KAZN: variants seen among roughly 807,000 people sequenced by gnomAD.
KAZN encodes the protein kazrin.
KAZN carries 40 observed loss-of-function variants against 87.4 expected under a neutral mutation model. The observed-to-expected ratio is 0.46, with a 90% CI of 0.36 to 0.60. The LOEUF (loss-of-function observed/expected upper bound fraction) is 0.60. Ranked by LOEUF, KAZN falls within the 20% of genes least tolerant of loss-of-function variation. The pLI is 0.00. For synonymous variants in KAZN, 466 were observed against 458.3 expected (o/e 1.02, Z -0.22); for missense variants, 898 against 1,073.9 (o/e 0.84, Z 2.29).
At chr1:13,985,142 A>G (rs1414114070) in intron 1 of KAZN, among the ~76,000 whole-genome samples, 1 of 152,052 alleles carries the variant, frequency 6.6e-6, no homozygotes, top group Non-Finnish European at 1.5e-5. Context: ...ATCAATTTAT[A>G]TATCTATCTA....
At chr1:14,023,996 A>C (rs1640961689) in intron 1 of KAZN, among the ~76,000 whole-genome samples, 1 of 152,178 alleles carries the variant, frequency 6.6e-6, no homozygotes, top group Non-Finnish European at 1.5e-5. Flanking sequence ...AACTTCTTAC[A>C]CAGTAAAACC....
intron 1 of KAZN, among the ~76,000 whole-genome samples, chr1:14,700,239 G>T (rs1013821005): frequency 6.6e-6 from 1 of 152,164 alleles, no homozygotes; most frequent in African/African-American, 2.4e-5. Flanking sequence ...TCTTGAAAAT[G>T]TGCTGTAACT....
intron 10 of KAZN, among the ~76,000 whole-genome samples, chr1:15,097,125 G>A (rs999598323): frequency 1.3e-5 from 2 of 152,084 alleles, no homozygotes; most frequent in African/African-American, 2.4e-5. Context: ...AGAAGTGAAG[G>A]GAGTTAAATT....
chr1:14,850,221 A>T (rs1354291521), intron 1 of KAZN, among the ~76,000 whole-genome samples: 1 of 152,218 alleles, frequency 6.6e-6, no homozygotes, highest in Non-Finnish European at 1.5e-5. Context: ...GGCATGAGCC[A>T]CTGCGTCCAG....
At chr1:14,323,488 G>A (rs1481774476) in intron 2 of KAZN, among the ~76,000 whole-genome samples, 1 of 152,016 alleles carries the variant, frequency 6.6e-6, no homozygotes, top group African/African-American at 2.4e-5. Flanking sequence ...AGATCTCTGG[G>A]TGATGTGGGA....
chr1:14,076,191 G>A (rs1337951335), intron 1 of KAZN, among the ~76,000 whole-genome samples: 1 of 152,108 alleles, frequency 6.6e-6, no homozygotes, highest in Non-Finnish European at 1.5e-5. Context: ...TGAGGCAGGA[G>A]AATGGCGTGA....
At chr1:14,543,832 C>A (rs1319769259) in intron 2 of KAZN, among the ~76,000 whole-genome samples, 2 of 152,120 alleles carry the variant, frequency 1.3e-5, no homozygotes, top group African/African-American at 4.8e-5. Context: ...GCAAATAAAT[C>A]AAATAAGGAA....
chr1:14,138,750 G>C lies in KAZN; in HGVS notation c.92-41685G>C, dbSNP rs78093029. Among the ~76,000 whole-genome samples, 225 of 152,292 alleles carry C rather than the reference G, an allele frequency of 1.5e-3. 1 individual carries two copies. The highest frequency in any genetic ancestry group is 5.3e-3 in the African/African-American group (219 of 41,564). ...GCCTCCCCTTTCCAATTTTGGAAGC[G>C]TGTGTTCATGCTTTCTTTTCCAGGC... is the stretch of plus-strand genomic sequence containing the variant. On this transcript the variant is annotated intron_variant, in intron 1 of 16. Transcript: ENST00000636203.
chr1:15,069,581 C>T (rs968817618), intron 8 of KAZN, among the ~76,000 whole-genome samples: 10 of 152,204 alleles, frequency 6.6e-5, no homozygotes, highest in Non-Finnish European at 1.3e-4. Flanking sequence ...GAGCCGAGAT[C>T]GCGCCACTGC....
At chr1:14,358,377 C>T (rs373905458) in intron 2 of KAZN, among the ~76,000 whole-genome samples, 4 of 149,694 alleles carry the variant, frequency 2.7e-5, no homozygotes, top group Admixed American at 2.0e-4. Context: ...AAAACCAGCT[C>T]AGGGATTCAT....
At chr1:15,043,478 A>G (rs2100333067) in intron 3 of KAZN, among the ~76,000 whole-genome samples, 1 of 152,124 alleles carries the variant, frequency 6.6e-6, no homozygotes, top group East Asian at 1.9e-4. Flanking sequence ...CAACTTACTC[A>G]TTCATGCAGC....
In KAZN at chr1:14,499,438, T is replaced by C. The variant is rs867564676; in HGVS notation, c.250-99545T>C. Among the ~76,000 whole-genome samples, 10 of 152,302 alleles carry C rather than the reference T, an allele frequency of 6.6e-5. 1 individual carries two copies. The Middle Eastern group carries it at 0.01, about 155-fold the overall frequency. On this transcript the variant is annotated intron_variant, in intron 2 of 16. Coordinates refer to the KAZN transcript ENST00000636203. ...TCGATTCCTCCTAAGCTAGAAGATATTGATCCCGTGACAATTGCTGTCCTG... is the reference window on the plus strand; with the variant it reads ...TCGATTCCTCCTAAGCTAGAAGATACTGATCCCGTGACAATTGCTGTCCTG...
intron 1 of KAZN, among the ~76,000 whole-genome samples, chr1:14,763,809 G>T (rs547731655): frequency 1.3e-5 from 2 of 152,178 alleles, no homozygotes; most frequent in Non-Finnish European, 2.9e-5. Flanking sequence ...CAGTGCAATG[G>T]CACGATCTTG....
chr1:13,958,573 C>CAA (rs34636758), intron 1 of KAZN, among the ~76,000 whole-genome samples: 2,016 of 131,740 alleles, frequency 0.015, 33 homozygotes, highest in African/African-American at 0.024. Flanking sequence ...GACTCCATCT[C>CAA]AAAAAAAAAA....
chr1:14,728,472 T>A (rs954320654), intron 1 of KAZN, among the ~76,000 whole-genome samples: 32 of 152,072 alleles, frequency 2.1e-4, no homozygotes, highest in African/African-American at 7.2e-4. Flanking sequence ...TGGGGAACCC[T>A]GAATTAGTTA....
intron 1 of KAZN, among the ~76,000 whole-genome samples, chr1:14,801,961 C>T (rs1413123763): frequency 1.3e-5 from 2 of 151,870 alleles, no homozygotes; most frequent in African/African-American, 4.8e-5. Context: ...TGGGATTACA[C>T]GCGTCGGCCA....
At chr1:14,710,146 A>C (rs1642410399) in intron 1 of KAZN, among the ~76,000 whole-genome samples, 2 of 152,224 alleles carry the variant, frequency 1.3e-5, no homozygotes, top group Non-Finnish European at 1.5e-5. Context: ...TGAACATTGC[A>C]GGATGAATGC....
At chr1:15,107,079 G>T (rs1216134317) in intron 13 of KAZN, among the ~76,000 whole-genome samples, 5 of 152,198 alleles carry the variant, frequency 3.3e-5, no homozygotes. Flanking sequence ...TGGAACCCAG[G>T]TCTCTACTCC....
At chr1:14,102,046 A>G (rs897235568) in intron 1 of KAZN, among the ~76,000 whole-genome samples, 4 of 152,058 alleles carry the variant, frequency 2.6e-5, no homozygotes, top group Admixed American at 2.0e-4. Context: ...ATTTTTACCA[A>G]TCTCAGTGAG....
Sources: gnomAD v4.1 joint callset for allele counts (sites outside exome capture counted in the v4.1 genomes callset) on GRCh38, gnomAD v4.1.1 for gene constraint, MANE v1.5 for transcripts, NCBI Gene and HGNC (gene_info 2026-07-23, HGNC 2026-07-21) for gene names.